The following GRB7 variants were observed in gnomAD, a reference collection of about 807,000 sequenced individuals.
GRB7 encodes the protein growth factor receptor bound protein 7.
Under a neutral mutation model 64.1 loss-of-function variants are expected in GRB7, and 47 were observed. The ratio of observed to expected loss-of-function variants is 0.73; its 90% CI spans 0.58 to 0.94. GRB7 has a LOEUF of 0.94. Among genes scored for constraint, GRB7 ranks in the 40% least tolerant of loss-of-function variants. The pLI, the probability that GRB7 is intolerant of heterozygous loss-of-function variation, is 0.00. For synonymous variants in GRB7, 277 were observed against 279.9 expected, an observed-to-expected ratio of 0.99 and a Z score of 0.10; for missense variants, 634 against 718.4, an observed-to-expected ratio of 0.88 and a Z score of 1.34.
chr17:39,746,706 C>G, intron 14 of GRB7, 45 bp from the exon 15 acceptor site: 1 of 1,599,228 alleles, frequency 6.3e-7, no homozygotes, highest in Middle Eastern at 1.7e-4. Flanking sequence ...GCTTCCCAAG[C>G]CTCGGGCCCC....
intron 1 of GRB7, among the ~76,000 whole-genome samples, chr17:39,739,684 A>G (rs2059979066): frequency 6.6e-6 from 1 of 152,246 alleles, no homozygotes; most frequent in Admixed American, 6.5e-5. Flanking sequence ...GGAAGTAAAC[A>G]AGGAGGTTGG....
At chr17:39,740,819 C>A (rs1468481634) in intron 1 of GRB7, among the ~76,000 whole-genome samples, 1 of 152,170 alleles carries the variant, frequency 6.6e-6, no homozygotes, top group East Asian at 1.9e-4. Flanking sequence ...AGTGTTGTCC[C>A]GCCCGCCCTG....
intron 1 of GRB7, chr17:39,740,211 GT>G: frequency 1.0e-6 from 1 of 968,190 alleles, no homozygotes; most frequent in Non-Finnish European, 1.2e-6. Context: ...GGGGGATTGT[GT>G]TCTGGTATTG....
chr17:39,739,977 C>T, intron 1 of GRB7: 5 of 985,448 alleles, frequency 5.1e-6, no homozygotes, highest in Non-Finnish European at 6.0e-6. Context: ...AGGCAAACCC[C>T]AGCCTTGGAC....
At chr17:39,741,871 G>A (rs1042741179) in intron 1 of GRB7, among the ~76,000 whole-genome samples, 10 of 151,592 alleles carry the variant, frequency 6.6e-5, no homozygotes, top group Admixed American at 2.0e-4. Flanking sequence ...TTAGACGGGC[G>A]TGGTGGTGGG....
In GRB7 at chr17:39,745,466, C is replaced by T. The variant is rs2143425492; in HGVS notation, c.1137C>T (p.Gly379=). The T allele has an allele frequency of 1.9e-6, 3 of 1,614,094 alleles. No individual in the cohort carries two copies. The highest frequency in any genetic ancestry group is 2.5e-6 in the Non-Finnish European group (3 of 1,180,012). ...DNTLVAMDFS[G]HAGRVIENPR... is the part of the protein sequence containing the mutation. ...CCCTGGTGGCCATGGACTTCTCTGG[C>T]CATGCTGGGCGTGTCATTGAGAACC... Residue 379 remains glycine (G), a synonymous_variant, in exon 11 of 15, where the codon GGC becomes GGT. Coordinates refer to ENST00000309156, the MANE Select transcript of GRB7 (RefSeq NM_005310.5).
intron 1 of GRB7, chr17:39,738,738 T>TGG: frequency 3.6e-6 from 2 of 553,162 alleles, no homozygotes; most frequent in Non-Finnish European, 6.2e-6. Flanking sequence ...TACCCCAGTT[T>TGG]GGGTTTCCCC....
chr17:39,743,546 GTGC>G, intron 6 of GRB7, 76 bp downstream of exon 6: 1 of 1,151,668 alleles, frequency 8.7e-7, no homozygotes, highest in Admixed American at 1.7e-5. Context: ...CTTAAGTCCT[GTGC>G]CTCCCCTCTA....
In GRB7 at chr17:39,747,212, CTT is replaced by C; in HGVS notation, c.*317_*318del. The stretch of plus-strand genomic sequence containing the variant: ...AGCCCAGGCGGTTTCACGCCCCACA[CTT>C]TGTACAGACCGAGAGGCCAGTTGAT... On this transcript the variant is annotated 3_prime_UTR_variant, in exon 15 of 15. Coordinates refer to ENST00000309156, the MANE Select transcript of GRB7 (RefSeq NM_005310.5). The C allele has an allele frequency of 2.5e-6, 1 of 407,782 alleles. No individual in the cohort carries two copies. The highest frequency in any genetic ancestry group is 4.4e-6 in the Non-Finnish European group (1 of 227,536). The allele number at this position is 407,782 out of a possible 1,614,324, so 25.3% of individuals were successfully genotyped here.
At position 39,746,139 on chromosome 17, in the gene GRB7, C is replaced by T. The variant is rs2060044343; in HGVS notation, c.1389C>T (p.Asn463=). 6.2e-7 allele frequency: 1 copy of T among 1,614,042 alleles called. No homozygotes were observed. The highest frequency in any genetic ancestry group is 8.5e-7 in the Non-Finnish European group (1 of 1,179,958). ...GLFLVRESQR[N]PQGFVLSLCH... Reference sequence around the variant, plus strand: ...TCCTGGTCCGGGAGAGTCAGCGGAACCCCCAGGGCTTTGTCCTCTCTTTGT... The same window carrying T: ...TCCTGGTCCGGGAGAGTCAGCGGAATCCCCAGGGCTTTGTCCTCTCTTTGT... The change falls in exon 14 of 15, where the codon AAC becomes AAT. Residue 463 remains asparagine, a synonymous_variant. Coordinates refer to ENST00000309156, the MANE Select transcript of GRB7 (RefSeq NM_005310.5).
chr17:39,744,860 G>C (rs1339538562), intron 8 of GRB7, 26 bp from the exon 9 acceptor site: 5 of 1,588,514 alleles, frequency 3.1e-6, no homozygotes, highest in Non-Finnish European at 4.3e-6. Context: ...GCAGATATGG[G>C]ACCAGTCAAT....
chr17:39,743,027 G>T lies in GRB7; in HGVS notation c.436G>T (p.Val146Leu), dbSNP rs147627069. Reference sequence around the variant, plus strand: ...CTTGAGCGACGAGACCTGGGGGCTGGTGGAGTGCCACCCCCACCTAGCACT... The same window carrying T: ...CTTGAGCGACGAGACCTGGGGGCTGTTGGAGTGCCACCCCCACCTAGCACT... ...HALSDETWGL[V>L]ECHPHLALER... is the part of the protein sequence containing the mutation. The change falls in exon 4 of 15, where the codon GTG becomes TTG. Residue 146 changes from valine (V) to leucine (L), a missense_variant. Coordinates refer to ENST00000309156, the MANE Select transcript of GRB7 (RefSeq NM_005310.5). 1.1e-3 allele frequency: 1,722 copies of T among 1,609,764 alleles called. 3 individuals carry two copies. The highest frequency in any genetic ancestry group is 1.4e-3 in the Admixed American group (81 of 59,752).
At chr17:39,744,737 G>A (rs1344146429) in intron 8 of GRB7, 74 bp downstream of exon 8, 4 of 1,408,870 alleles carry the variant, frequency 2.8e-6, no homozygotes, top group African/African-American at 1.4e-5. Flanking sequence ...CCTGCCCGGG[G>A]CTTCTGAGCC....
Position 39,742,338 on chromosome 17 carries a change from T to G in GRB7, c.37T>G (p.Ser13Ala), listed in dbSNP as rs755648541. 9.9e-6 allele frequency: 16 copies of G among 1,613,884 alleles called. No individual in the cohort carries two copies. The highest frequency in any genetic ancestry group is 1.3e-5 in the Non-Finnish European group (15 of 1,179,984). Residue 13 changes from serine to alanine, a missense_variant, in exon 2 of 15, where the codon TCT (serine) becomes GCT (alanine). Transcript: ENST00000309156. ...TCTGTCTCCACCTCATCTTAGCAGC[T>G]CTCCGGAAGACCTTTGCCCAGCCCC... ...LDLSPPHLSS[S>A]PEDLCPAPGT...
Position 39,745,531 on chromosome 17 carries a change from C to A in GRB7, c.1202C>A (p.Ala401Asp), listed in dbSNP as rs770436161. ...AGTGTGGCCCTGGAGGAGGCCCAGGCCTGGAGGGTGAGGCCTGCTGTGTGT... is the reference window on the plus strand; with the variant it reads ...AGTGTGGCCCTGGAGGAGGCCCAGGACTGGAGGGTGAGGCCTGCTGTGTGT... ...ALSVALEEAQ[A>D]WRKKTNHRLS... Residue 401 changes from alanine (A) to aspartate (D), a missense_variant, in exon 11 of 15, where the codon GCC (alanine) becomes GAC (aspartate). This residue lies in a region of GRB7 where 467 missense variants were observed against 576.6 expected (regional missense o/e 0.81). Coordinates refer to ENST00000309156, the MANE Select transcript of GRB7 (RefSeq NM_005310.5). 1.2e-6 allele frequency: 2 copies of A among 1,612,840 alleles called. No individual in the cohort carries two copies. The highest frequency in any genetic ancestry group is 1.7e-6 in the Non-Finnish European group (2 of 1,179,250).
chr17:39,742,682 G>T lies in GRB7; in HGVS notation c.272G>T (p.Arg91Met). The change falls in exon 3 of 15, where the codon AGG (arginine) becomes ATG (methionine). Residue 91 changes from arginine to methionine, a missense_variant. Physicochemically the swap from Arg to Met is moderately conservative, Grantham distance 91. Coordinates refer to ENST00000309156, the MANE Select transcript of GRB7 (RefSeq NM_005310.5). ...ATTCTCGGGGGCCCCTCCAGTGCAA[G>T]GGGGCTGCTCCCCCGCGATGCCAGC... ...SPILGGPSSA[R>M]GLLPRDASRP... The T allele has an allele frequency of 6.3e-7, 1 of 1,591,006 alleles. No homozygotes were observed. Among genetic ancestry groups the T allele is most frequent in the South Asian group, 1.1e-5 (1 of 88,848 alleles).
In GRB7 at chr17:39,746,861, C is replaced by G. The variant is rs779882502; in HGVS notation, c.1563C>G (p.Cys521Trp). 52 of 1,612,678 alleles carry G rather than the reference C, an allele frequency of 3.2e-5. No individual in the cohort carries two copies. The highest frequency in any genetic ancestry group is 4.2e-5 in the Non-Finnish European group (50 of 1,180,024). The change falls in exon 15 of 15, where the codon TGC (cysteine) becomes TGG (tryptophan). Residue 521 changes from cysteine (C) to tryptophan (W), a missense_variant. Cys to Trp is a radical substitution (Grantham distance 215). This residue lies in a region of GRB7 where 467 missense variants were observed against 576.6 expected (regional missense o/e 0.81). Coordinates refer to ENST00000309156, the MANE Select transcript of GRB7 (RefSeq NM_005310.5). ...AGCTGAACCGCGGCATCCTGCCGTG[C>G]TTGCTGCGCCATTGCTGCACGCGGG... ...FHQLNRGILP[C>W]LLRHCCTRVA...
chr17:39,744,718 C>G lies in GRB7; in HGVS notation c.912+55C>G. ...CCTGGGGAAGCAGGAACTGCTCAGG[C>G]CCCTGGATCCTGCCCGGGGCTTCTG... On this transcript the variant is annotated intron_variant, in intron 8 of 14. Coordinates refer to ENST00000309156, the MANE Select transcript of GRB7 (RefSeq NM_005310.5). The G allele has an allele frequency of 2.7e-6, 4 of 1,467,848 alleles. No homozygotes were observed. The South Asian group carries it at 4.8e-5, about 17-fold the overall frequency. 90.9% of individuals were successfully genotyped at this position (1,467,848 alleles called of 1,614,324 possible). A position where few individuals can be genotyped will look rare whatever the true frequency, so the allele number is the denominator to read the frequency against.
At chr17:39,745,704 C>T (rs746427395) in intron 11 of GRB7, 24 bp from the exon 12 acceptor site, 2 of 1,612,436 alleles carry the variant, frequency 1.2e-6, no homozygotes, top group South Asian at 2.2e-5. Flanking sequence ...CCCCGACTCT[C>T]CCGTATCTCC....
Sources: gnomAD v4.1 joint callset for allele counts (sites outside exome capture counted in the v4.1 genomes callset) on GRCh38, gnomAD v4.1.1 for gene constraint, gnomAD v4.1.1 regional missense constraint, MANE v1.5 for transcripts, NCBI Gene and HGNC (gene_info 2026-07-23, HGNC 2026-07-21) for gene names.